Variants in GAS7 observed in about 807,000 individuals in gnomAD.
The protein encoded by GAS7 is growth arrest-specific protein 7.
A neutral mutation model predicts 71.1 loss-of-function variants in GAS7; 28 were observed. That is an observed-to-expected ratio of 0.39 (90% CI 0.29 to 0.54). The LOEUF (loss-of-function observed/expected upper bound fraction) is 0.54. Among genes scored for constraint, GAS7 ranks in the 20% least tolerant of loss-of-function variants. The pLI is 0.62. For missense variants in GAS7, 436 were observed against 627.8 expected (o/e 0.69, Z 3.27); for synonymous variants, 258 against 245.8 (o/e 1.05, Z -0.46).
At chr17:10,069,945 G>A (rs973084830) in intron 1 of GAS7, among the ~76,000 whole-genome samples, 3 of 152,048 alleles carry the variant, frequency 2.0e-5, no homozygotes, top group Admixed American at 1.3e-4. Context: ...GCCCTCACCC[G>A]GCACCTCCCA....
intron 9 of GAS7, among the ~76,000 whole-genome samples, chr17:9,933,491 G>C (rs912082449): frequency 4.6e-5 from 7 of 151,974 alleles, no homozygotes; most frequent in Non-Finnish European, 8.8e-5. Context: ...TGTTAAACAC[G>C]GCCATTATCA....
Position 10,167,687 on chromosome 17 carries a change from T to C in GAS7, c.183+30521A>G, listed in dbSNP as rs1002950444. ...TTCTTTTTTTTTCTGTGTCTTTTTT[T>C]AGAGACAGGGTCTCAATATGTTTTG... On this transcript the variant is annotated intron_variant, in intron 1 of 13. Transcript: ENST00000432992. Among the ~76,000 whole-genome samples the C allele has an allele frequency of 2.0e-5, 3 of 152,188 alleles. No homozygotes were observed. In the East Asian group the frequency reaches 5.8e-4, roughly 29 times the overall value.
At chr17:9,941,393 A>G (rs910636240) in intron 7 of GAS7, among the ~76,000 whole-genome samples, 1 of 152,174 alleles carries the variant, frequency 6.6e-6, no homozygotes, top group African/African-American at 2.4e-5. Flanking sequence ...CGAGGTGCAT[A>G]CGCTGTCTGC....
intron 2 of GAS7, among the ~76,000 whole-genome samples, chr17:10,000,383 G>A (rs1300082360): frequency 6.6e-6 from 1 of 152,176 alleles, no homozygotes; most frequent in Non-Finnish European, 1.5e-5. Context: ...AGGTGTTGGA[G>A]GTAGGACCCT....
At chr17:10,052,901 G>A (rs1043703890) in intron 1 of GAS7, among the ~76,000 whole-genome samples, 4 of 152,076 alleles carry the variant, frequency 2.6e-5, no homozygotes, top group African/African-American at 7.2e-5. Context: ...TGAGATAAGC[G>A]GCCTTCATCC....
chr17:9,979,837 A>C (rs1207375029), intron 3 of GAS7, among the ~76,000 whole-genome samples: 1 of 151,258 alleles, frequency 6.6e-6, no homozygotes, highest in African/African-American at 2.4e-5. Context: ...ACCTTGCGTC[A>C]TTCGCACTGG....
chr17:10,164,928 C>T (rs2074282174), intron 1 of GAS7, among the ~76,000 whole-genome samples: 1 of 150,926 alleles, frequency 6.6e-6, no homozygotes, highest in Admixed American at 6.6e-5. Flanking sequence ...GCAGGCGGAT[C>T]ACCTGAGGTC....
intron 1 of GAS7, among the ~76,000 whole-genome samples, chr17:10,144,981 A>C (rs928105825): frequency 6.6e-6 from 1 of 152,266 alleles, no homozygotes; most frequent in Non-Finnish European, 1.5e-5. Flanking sequence ...AACCATAATC[A>C]GAGACAGGCA....
At chr17:10,107,707 T>C (rs1415861117) in intron 1 of GAS7, among the ~76,000 whole-genome samples, 1 of 133,218 alleles carries the variant, frequency 7.5e-6, no homozygotes, top group Non-Finnish European at 1.6e-5. Flanking sequence ...AGTCCAGTGG[T>C]GGCAGGCTGA....
At chr17:9,931,201 C>T (rs2068195060) in intron 9 of GAS7, among the ~76,000 whole-genome samples, 1 of 152,162 alleles carries the variant, frequency 6.6e-6, no homozygotes, top group African/African-American at 2.4e-5. Context: ...GGCTGTGTGA[C>T]CATGGGCTGT....
intron 1 of GAS7, among the ~76,000 whole-genome samples, chr17:10,136,181 T>C (rs1338275280): frequency 1.3e-5 from 2 of 152,206 alleles, no homozygotes; most frequent in Admixed American, 6.5e-5. Flanking sequence ...TGAGGCCAAC[T>C]TGCTCATCTT....
chr17:10,198,169 G>A (rs1489794767), intron 1 of GAS7, 39 bp downstream of exon 1: 1 of 1,581,680 alleles, frequency 6.3e-7, no homozygotes, highest in Non-Finnish European at 8.6e-7. Flanking sequence ...ACCGAGGACC[G>A]CAGCCCCGGC....
chr17:10,157,152 G>A (rs1244463823), intron 1 of GAS7, among the ~76,000 whole-genome samples: 1 of 152,086 alleles, frequency 6.6e-6, no homozygotes, highest in African/African-American at 2.4e-5. Context: ...TTTGACACAT[G>A]GGACCCCTGG....
intron 1 of GAS7, among the ~76,000 whole-genome samples, chr17:10,140,445 C>CGA (rs1472369195): frequency 6.6e-6 from 1 of 151,848 alleles, no homozygotes; most frequent in Non-Finnish European, 1.5e-5. Flanking sequence ...GGTGACAGGG[C>CGA]GAGACCCTGT....
intron 1 of GAS7, among the ~76,000 whole-genome samples, chr17:10,057,438 G>A (rs1415721847): frequency 3.6e-5 from 5 of 137,138 alleles, no homozygotes; most frequent in East Asian, 2.3e-4. Flanking sequence ...CGCCTCTGCC[G>A]GGCCGCGACC....
chr17:10,074,583 A>G (rs981570701), intron 1 of GAS7, among the ~76,000 whole-genome samples: 1 of 152,196 alleles, frequency 6.6e-6, no homozygotes, highest in Non-Finnish European at 1.5e-5. Context: ...AAAAATTCCA[A>G]ATTGACTCAA....
In GAS7 at chr17:10,019,993, G is replaced by C. The variant is rs74781025; in HGVS notation, c.184-96C>G. The stretch of plus-strand genomic sequence containing the variant: ...AGGCTGATGAATTCACCCTACAGTA[G>C]CGTGACATTGGGAAGTCTGCGGCCC... On this transcript the variant is annotated intron_variant, in intron 1 of 13. Transcript: ENST00000432992. 8.4e-3 allele frequency: 10,114 copies of C among 1,202,254 alleles called. 502 individuals are homozygous for C. In the East Asian group the frequency reaches 0.13, roughly 16 times the overall value. 74.5% of individuals were successfully genotyped at this position (1,202,254 alleles called of 1,614,324 possible). A position where few individuals can be genotyped will look rare whatever the true frequency, so the allele number is the denominator to read the frequency against.
chr17:9,986,585 C>G (rs1173465672), intron 2 of GAS7, among the ~76,000 whole-genome samples: 1 of 152,200 alleles, frequency 6.6e-6, no homozygotes, highest in Non-Finnish European at 1.5e-5. Flanking sequence ...GCTCCGGGGG[C>G]TGCAGGAGGC....
At chr17:10,135,515 T>C (rs1464475926) in intron 1 of GAS7, among the ~76,000 whole-genome samples, 1 of 152,102 alleles carries the variant, frequency 6.6e-6, no homozygotes, top group Non-Finnish European at 1.5e-5. Flanking sequence ...ATTAAGGGGG[T>C]GAGCAGCTAT....
Sources: gnomAD v4.1 joint callset for allele counts (sites outside exome capture counted in the v4.1 genomes callset) on GRCh38, gnomAD v4.1.1 for gene constraint, MANE v1.5 for transcripts, NCBI Gene and HGNC (gene_info 2026-07-23, HGNC 2026-07-21) for gene names.